The following BRINP3 variants were observed in gnomAD, a reference collection of about 807,000 sequenced individuals.
BRINP3 encodes the protein BMP/retinoic acid inducible neural specific 3.
Under a neutral mutation model 71.0 loss-of-function variants are expected in BRINP3, and 19 were observed. That is an observed-to-expected ratio of 0.27 (90% confidence interval 0.19 to 0.39). BRINP3 has a LOEUF of 0.39. Among genes scored for constraint, BRINP3 ranks in the 10% least tolerant of loss-of-function variants. The pLI, the probability that BRINP3 is intolerant of heterozygous loss-of-function variation, is 1.00. For synonymous variants in BRINP3, 380 were observed against 337.7 expected (o/e 1.13, Z -1.37); for missense variants, 959 against 940.8 (o/e 1.02, Z -0.25).
chr1:190,367,489 A>C (rs1669585599), intron 2 of BRINP3, among the ~76,000 whole-genome samples: 1 of 152,156 alleles, frequency 6.6e-6, no homozygotes, highest in Non-Finnish European at 1.5e-5. Context: ...TGCCCTGGGG[A>C]CATTTTCCCC....
chr1:190,249,107 T>A (rs970733503), intron 4 of BRINP3, among the ~76,000 whole-genome samples: 1 of 151,820 alleles, frequency 6.6e-6, no homozygotes, highest in African/African-American at 2.4e-5. Flanking sequence ...ATTAGAATAC[T>A]TCATTGGTAG....
At chr1:190,441,779 T>C (rs1028156530) in intron 2 of BRINP3, among the ~76,000 whole-genome samples, 3 of 152,126 alleles carry the variant, frequency 2.0e-5, no homozygotes, top group Non-Finnish European at 2.9e-5. Context: ...TTCTCCCTAA[T>C]AGTACTTCAA....
At chr1:190,233,718 C>T (rs1269062106) in intron 5 of BRINP3, among the ~76,000 whole-genome samples, 2 of 152,190 alleles carry the variant, frequency 1.3e-5, no homozygotes, top group African/African-American at 4.8e-5. Context: ...AGTGTTTAAA[C>T]GTGTGTATTC....
intron 6 of BRINP3, among the ~76,000 whole-genome samples, chr1:190,166,172 C>T (rs1444597909): frequency 6.6e-6 from 1 of 152,124 alleles, no homozygotes; most frequent in Admixed American, 6.6e-5. Context: ...TACTATAATG[C>T]TGCATAAAGT....
At chr1:190,321,083 T>A (rs1571740145) in intron 2 of BRINP3, among the ~76,000 whole-genome samples, 1 of 151,984 alleles carries the variant, frequency 6.6e-6, no homozygotes, top group East Asian at 1.9e-4. Flanking sequence ...TAATGAATGA[T>A]CTTACATTTT....
intron 7 of BRINP3, among the ~76,000 whole-genome samples, chr1:190,109,046 C>T (rs1358544515): frequency 1.3e-5 from 2 of 152,070 alleles, no homozygotes; most frequent in African/African-American, 4.8e-5. Context: ...AATTTTTGAA[C>T]AGTAAATCCA....
chr1:190,147,701 G>A (rs1468475991), intron 7 of BRINP3, among the ~76,000 whole-genome samples: 4 of 152,160 alleles, frequency 2.6e-5, no homozygotes, highest in African/African-American at 7.2e-5. Context: ...AGACAAGCTG[G>A]AAGTCAGTTT....
At chr1:190,368,656 A>T (rs1669662347) in intron 2 of BRINP3, among the ~76,000 whole-genome samples, 1 of 152,150 alleles carries the variant, frequency 6.6e-6, no homozygotes, top group South Asian at 2.1e-4. Flanking sequence ...TGAGGGTCTG[A>T]AGGAACTCCT....
At position 190,245,829 on chromosome 1, in the gene BRINP3, A is replaced by T. The variant is rs536049757; in HGVS notation, c.619-11352T>A. 5.1e-5 allele frequency among the ~76,000 whole-genome samples: 7 copies of T among 136,634 alleles called. No individual in the cohort carries two copies. In the East Asian group the frequency reaches 6.6e-4, roughly 13 times the overall value. 89.6% of individuals were successfully genotyped at this position (136,634 alleles called of 152,430 possible). A position where few individuals can be genotyped will look rare whatever the true frequency, so the allele number is the denominator to read the frequency against. Reference sequence around the variant, plus strand: ...CATGTGTTCTCAATGCTCAGTTCCCACCTATGAGTGAGAACATGCGGTGTT... The same window carrying T: ...CATGTGTTCTCAATGCTCAGTTCCCTCCTATGAGTGAGAACATGCGGTGTT... On this transcript the variant is annotated intron_variant, in intron 4 of 7. Transcript: ENST00000367462.
At chr1:190,259,550 C>T (rs530837914) in intron 4 of BRINP3, among the ~76,000 whole-genome samples, 2 of 149,656 alleles carry the variant, frequency 1.3e-5, no homozygotes, top group South Asian at 2.1e-4. Context: ...AGAGAAGGAA[C>T]ACTTTCTTCC....
chr1:190,401,376 CAAAAAA>C (rs762938571), intron 2 of BRINP3, among the ~76,000 whole-genome samples: 63 of 89,344 alleles, frequency 7.1e-4, no homozygotes, highest in African/African-American at 1.2e-3. Context: ...CATCTCAAAA[CAAAAAA>C]AAAAAAAAAA....
chr1:190,319,634 C>G (rs529130168), intron 2 of BRINP3, among the ~76,000 whole-genome samples: 16 of 152,082 alleles, frequency 1.1e-4, no homozygotes, highest in Admixed American at 1.3e-4. Flanking sequence ...TTACATGGCC[C>G]GAGCAAGAGC....
At chr1:190,144,096 A>C (rs1655684580) in intron 7 of BRINP3, among the ~76,000 whole-genome samples, 1 of 152,180 alleles carries the variant, frequency 6.6e-6, no homozygotes, top group Non-Finnish European at 1.5e-5. Context: ...CAGAAACACC[A>C]AACAATGTAC....
intron 2 of BRINP3, among the ~76,000 whole-genome samples, chr1:190,291,961 T>C (rs1663901852): frequency 2.0e-5 from 3 of 152,242 alleles, no homozygotes; most frequent in South Asian, 4.1e-4. Flanking sequence ...TTATCAGCCA[T>C]AATAAAGAAT....
chr1:190,142,025 AAG>A (rs1434414616), intron 7 of BRINP3, among the ~76,000 whole-genome samples: 1 of 152,144 alleles, frequency 6.6e-6, no homozygotes, highest in Non-Finnish European at 1.5e-5. Context: ...ATAAAATAAA[AAG>A]ACTCTTTTTT....
chr1:190,443,335 G>A (rs972477822), intron 2 of BRINP3, among the ~76,000 whole-genome samples: 5 of 151,572 alleles, frequency 3.3e-5, no homozygotes, highest in African/African-American at 1.2e-4. Context: ...AACCAGGGAG[G>A]CGGAGCTTGC....
At chr1:190,138,632 C>T (rs1655172334) in intron 7 of BRINP3, among the ~76,000 whole-genome samples, 1 of 152,078 alleles carries the variant, frequency 6.6e-6, no homozygotes, top group Non-Finnish European at 1.5e-5. Flanking sequence ...TAATTGAACG[C>T]TGTGAAACTT....
intron 2 of BRINP3, among the ~76,000 whole-genome samples, chr1:190,443,499 CTAGTT>C (rs1674980010): frequency 2.0e-5 from 3 of 147,216 alleles, no homozygotes; most frequent in Admixed American, 6.7e-5. Flanking sequence ...TTCTCTTTCC[CTAGTT>C]TAAAGTATCT....
intron 3 of BRINP3, among the ~76,000 whole-genome samples, chr1:190,273,773 C>CAT (rs1171223814): frequency 6.6e-6 from 1 of 151,456 alleles, no homozygotes; most frequent in Non-Finnish European, 1.5e-5. Context: ...TTGGCATTCT[C>CAT]ATATATATAG....
Sources: gnomAD v4.1 joint callset for allele counts (sites outside exome capture counted in the v4.1 genomes callset) on GRCh38, gnomAD v4.1.1 for gene constraint, MANE v1.5 for transcripts, NCBI Gene and HGNC (gene_info 2026-07-23, HGNC 2026-07-21) for gene names.